Variants in ENTHD1 observed in about 807,000 individuals in gnomAD.
ENTHD1 encodes ENTH domain containing 1, also known as ENTH domain-containing protein 1.
ENTHD1 carries 23 observed loss-of-function variants against 39.1 expected under a neutral mutation model. That is an observed-to-expected ratio of 0.59 (90% CI 0.42 to 0.83). The LOEUF (loss-of-function observed/expected upper bound fraction) is 0.83, where lower values mean the gene tolerates loss of function less well. Ranked by LOEUF, ENTHD1 falls within the 40% of genes least tolerant of loss-of-function variation. The pLI, the probability that ENTHD1 is intolerant of heterozygous loss-of-function variation, is 0.00. For missense variants in ENTHD1, 624 were observed against 705.4 expected (o/e 0.88, Z 1.31); for synonymous variants, 230 against 258.2 (o/e 0.89, Z 1.05).
chr22:39,875,531 A>G, intron 2 of ENTHD1: 1 of 1,609,160 alleles, frequency 6.2e-7, no homozygotes, highest in Non-Finnish European at 8.5e-7. Flanking sequence ...TTATTCCCAC[A>G]CAGACGTCAA....
At chr22:39,761,941 C>T (rs2065236711) in intron 6 of ENTHD1, among the ~76,000 whole-genome samples, 1 of 152,154 alleles carries the variant, frequency 6.6e-6, no homozygotes, top group African/African-American at 2.4e-5. Flanking sequence ...TTAATATCTT[C>T]ATTATGACCC....
At chr22:39,822,415 A>G (rs534659577) in intron 4 of ENTHD1, among the ~76,000 whole-genome samples, 3 of 152,228 alleles carry the variant, frequency 2.0e-5, no homozygotes, top group African/African-American at 4.8e-5. Flanking sequence ...TATCACCATT[A>G]TTGAATTTTG....
intron 2 of ENTHD1, among the ~76,000 whole-genome samples, chr22:39,866,656 G>A (rs2066184056): frequency 6.6e-6 from 1 of 152,146 alleles, no homozygotes; most frequent in Non-Finnish European, 1.5e-5. Flanking sequence ...CTCCCGCTGT[G>A]CCCTATGCAG....
chr22:39,809,015 C>T (rs1448706122), intron 5 of ENTHD1, among the ~76,000 whole-genome samples: 1 of 152,138 alleles, frequency 6.6e-6, no homozygotes, highest in African/African-American at 2.4e-5. Context: ...GATACCCTCT[C>T]GAATTTCTAC....
chr22:39,874,884 T>A (rs930296804), intron 2 of ENTHD1, among the ~76,000 whole-genome samples: 4 of 152,202 alleles, frequency 2.6e-5, no homozygotes, highest in Admixed American at 2.6e-4. Flanking sequence ...GATAAGGATG[T>A]GAACAACAAA....
At chr22:39,747,488 T>C (rs2065114696) in intron 6 of ENTHD1, among the ~76,000 whole-genome samples, 1 of 152,356 alleles carries the variant, frequency 6.6e-6, no homozygotes, top group East Asian at 1.9e-4. Flanking sequence ...TCTATACTTC[T>C]ACACAATTCT....
intron 4 of ENTHD1, among the ~76,000 whole-genome samples, chr22:39,831,667 ATG>A (rs2065870305): frequency 6.6e-6 from 1 of 151,920 alleles, no homozygotes; most frequent in African/African-American, 2.4e-5. Context: ...TCTACTAAAA[ATG>A]TAAAAAATTA....
chr22:39,863,939 A>G (rs892890511), intron 2 of ENTHD1, among the ~76,000 whole-genome samples: 4 of 152,156 alleles, frequency 2.6e-5, no homozygotes, highest in Non-Finnish European at 5.9e-5. Context: ...ATCTAATCTC[A>G]CTTCTTAGTT....
chr22:39,770,205 C>T (rs1213187971), intron 5 of ENTHD1, among the ~76,000 whole-genome samples: 1 of 152,110 alleles, frequency 6.6e-6, no homozygotes. Flanking sequence ...GCTGTGACAC[C>T]ACATACCGTG....
At chr22:39,786,160 C>G (rs531936288) in intron 5 of ENTHD1, among the ~76,000 whole-genome samples, 2 of 152,268 alleles carry the variant, frequency 1.3e-5, no homozygotes, top group South Asian at 4.1e-4. Context: ...CAAGTCCATT[C>G]TACTCCCTGT....
chr22:39,869,347 C>G (rs1354872432), intron 2 of ENTHD1, among the ~76,000 whole-genome samples: 1 of 152,120 alleles, frequency 6.6e-6, no homozygotes, highest in East Asian at 1.9e-4. Context: ...TTATCCTAAG[C>G]AAATTCATGC....
intron 5 of ENTHD1, among the ~76,000 whole-genome samples, chr22:39,785,582 A>C (rs1018250076): frequency 2.0e-5 from 3 of 152,174 alleles, no homozygotes; most frequent in Non-Finnish European, 4.4e-5. Flanking sequence ...TAATGTGGCC[A>C]TCCATGCCGT....
intron 3 of ENTHD1, among the ~76,000 whole-genome samples, chr22:39,836,819 C>T (rs1363424204): frequency 2.6e-5 from 4 of 152,122 alleles, no homozygotes; most frequent in South Asian, 4.1e-4. Flanking sequence ...CCTCCCGCTT[C>T]GCTCTCTTCC....
Position 39,743,856 on chromosome 22 carries a change from A to C in ENTHD1, c.1647T>G (p.Ser549Arg), listed in dbSNP as rs750292223. ...CACGTTTTACCTCCCTTAAAAGAAC[A>C]CTAATGGAATTCTTTGCTTCAGGTT... ...PQEPEAKNSI[S>R]VLLREVKRAI... Residue 549 changes from serine (S) to arginine (R), a missense_variant, in exon 7 of 7, where the codon AGT becomes AGG. By Grantham distance (110) the Ser-to-Arg change is moderately radical. Coordinates refer to ENST00000325157, the MANE Select transcript of ENTHD1 (RefSeq NM_152512.4). 3.1e-6 allele frequency: 5 copies of C among 1,614,024 alleles called. No individual in the cohort carries two copies. The South Asian group carries it at 5.5e-5, about 18-fold the overall frequency.
intron 5 of ENTHD1, among the ~76,000 whole-genome samples, chr22:39,792,134 C>A (rs2065509335): frequency 6.6e-6 from 1 of 152,110 alleles, no homozygotes; most frequent in South Asian, 2.1e-4. Flanking sequence ...ATCCAGTCTA[C>A]TGCTGATGGG....
At position 39,774,334 on chromosome 22, in the gene ENTHD1, C is replaced by T. The variant is rs2065350851; in HGVS notation, c.833-8725G>A. On this transcript the variant is annotated intron_variant, in intron 5 of 6. Coordinates refer to ENST00000325157, the MANE Select transcript of ENTHD1 (RefSeq NM_152512.4). ...ATCTATTATTATACTTACACTAGAT[C>T]TAGATGGTCACCTGTGGGCAAGTAA... Among the ~76,000 whole-genome samples the T allele has an allele frequency of 2.0e-5, 3 of 152,266 alleles. No individual in the cohort carries two copies. The South Asian group carries it at 6.2e-4, about 32-fold the overall frequency.
intron 5 of ENTHD1, among the ~76,000 whole-genome samples, chr22:39,770,835 C>G (rs1308697461): frequency 1.3e-5 from 2 of 152,160 alleles, no homozygotes; most frequent in African/African-American, 4.8e-5. Context: ...CCCATGATAT[C>G]CTGGTACAGG....
At chr22:39,822,303 C>T (rs975382626) in intron 4 of ENTHD1, among the ~76,000 whole-genome samples, 1 of 151,830 alleles carries the variant, frequency 6.6e-6, no homozygotes, top group African/African-American at 2.4e-5. Context: ...TATGAGTATT[C>T]AATTATATAG....
intron 5 of ENTHD1, among the ~76,000 whole-genome samples, chr22:39,816,213 G>T (rs2065732619): frequency 6.6e-6 from 1 of 152,162 alleles, no homozygotes; most frequent in Non-Finnish European, 1.5e-5. Flanking sequence ...ATCATAACAT[G>T]GAAATTAGAA....
Sources: allele counts gnomAD v4.1 joint callset (sites outside exome capture counted in the v4.1 genomes callset), GRCh38; gene constraint gnomAD v4.1.1; transcripts MANE v1.5; gene names NCBI Gene and HGNC (gene_info 2026-07-23, HGNC 2026-07-21).